The following MTUS2 variants were observed in gnomAD, a reference collection of about 807,000 sequenced individuals.
MTUS2 encodes microtubule associated scaffold protein 2, also known as microtubule-associated tumor suppressor candidate 2.
In MTUS2, 40 loss-of-function variants were observed where a neutral mutation model predicts 114.1. The observed-to-expected ratio is 0.35, with a 90% CI of 0.27 to 0.46. The LOEUF is 0.46. Among genes scored for constraint, MTUS2 ranks in the 20% least tolerant of loss-of-function variants. MTUS2 has a pLI of 1.00. For missense variants in MTUS2, 1,679 were observed against 1,705.4 expected, an observed-to-expected ratio of 0.98 and a Z score of 0.27; for synonymous variants, 688 against 672.0, an observed-to-expected ratio of 1.02 and a Z score of -0.37.
At chr13:29,141,861 A>T (rs1334172030) in intron 5 of MTUS2, among the ~76,000 whole-genome samples, 2 of 142,370 alleles carry the variant, frequency 1.4e-5, no homozygotes, top group African/African-American at 2.6e-5. Context: ...TGGGGATCTA[A>T]TTTTTTTTTT....
At chr13:29,063,190 A>G (rs1254843579) in intron 4 of MTUS2, among the ~76,000 whole-genome samples, 1 of 152,188 alleles carries the variant, frequency 6.6e-6, no homozygotes, top group East Asian at 1.9e-4. Context: ...GTAGATTTTT[A>G]TGTGTTTCAT....
chr13:28,853,300 G>T (rs906049498), intron 2 of MTUS2, among the ~76,000 whole-genome samples: 2 of 152,222 alleles, frequency 1.3e-5, no homozygotes, highest in East Asian at 3.8e-4. Context: ...GAAAGCAGCA[G>T]CACATTGAAT....
chr13:29,282,073 G>T (rs1898296545), intron 6 of MTUS2, among the ~76,000 whole-genome samples: 1 of 152,238 alleles, frequency 6.6e-6, no homozygotes, highest in Non-Finnish European at 1.5e-5. Context: ...TCCCATGACT[G>T]GTAACCCTTT....
At chr13:28,952,835 A>G (rs765056528) in intron 2 of MTUS2, among the ~76,000 whole-genome samples, 23 of 152,154 alleles carry the variant, frequency 1.5e-4, no homozygotes, top group African/African-American at 2.7e-4. Context: ...TATTTATTCA[A>G]CTGTCACCTT....
rs200464295 is a variant in MTUS2 at position 29,026,135 on chromosome 13, C to G, written c.1437C>G (p.Asn479Lys). The stretch of plus-strand genomic sequence containing the variant: ...TGTTCAATCCTTCTGTTGGAGAGAA[C>G]AAGACGGAGGTGCCTGAGCCCCTGG... ...VLVFNPSVGE[N>K]KTEVPEPLDP... Residue 479 changes from asparagine to lysine, a missense_variant, in exon 3 of 16, where the codon AAC (asparagine) becomes AAG (lysine). Around this residue, in one of 3 missense-constraint regions of MTUS2, gnomAD observed 843 missense variants for 770.8 expected, o/e 1.09. Coordinates refer to ENST00000612955, the MANE Select transcript of MTUS2 (RefSeq NM_001033602.4). 168 of 1,613,878 alleles carry G rather than the reference C, an allele frequency of 1.0e-4. No homozygotes were observed. The highest frequency in any genetic ancestry group is 1.3e-4 in the Non-Finnish European group (152 of 1,179,892).
At chr13:29,427,983 A>G (rs1876673865) in intron 8 of MTUS2, among the ~76,000 whole-genome samples, 1 of 152,166 alleles carries the variant, frequency 6.6e-6, no homozygotes, top group African/African-American at 2.4e-5. Flanking sequence ...TGTGTGAAAA[A>G]CTAGAAAGAT....
chr13:29,248,935 CAT>C (rs1427488189), intron 5 of MTUS2, among the ~76,000 whole-genome samples: 1 of 152,202 alleles, frequency 6.6e-6, no homozygotes, highest in East Asian at 1.9e-4. Flanking sequence ...CTGCAATAAA[CAT>C]ATGTATGCAT....
At chr13:29,181,229 T>TC (rs1893991320) in intron 5 of MTUS2, among the ~76,000 whole-genome samples, 2 of 151,666 alleles carry the variant, frequency 1.3e-5, no homozygotes, top group African/African-American at 4.8e-5. Context: ...TGTGTAACCC[T>TC]ATCAGCCACT....
At chr13:29,464,227 T>C (rs1412503864) in intron 9 of MTUS2, among the ~76,000 whole-genome samples, 1 of 152,200 alleles carries the variant, frequency 6.6e-6, no homozygotes, top group African/African-American at 2.4e-5. Context: ...GGGATCACTC[T>C]GTGACTCTAA....
chr13:29,004,190 C>T (rs1015531512), intron 2 of MTUS2, among the ~76,000 whole-genome samples: 2 of 143,886 alleles, frequency 1.4e-5, no homozygotes, highest in African/African-American at 2.5e-5. Flanking sequence ...TATATGGGCA[C>T]GCACATGTAT....
At chr13:29,284,257 A>C (rs923761893) in intron 6 of MTUS2, among the ~76,000 whole-genome samples, 9 of 152,214 alleles carry the variant, frequency 5.9e-5, no homozygotes, top group African/African-American at 1.9e-4. Context: ...TTGTATCAAC[A>C]TTACTAGAAA....
At chr13:29,093,123 A>G (rs1890036452) in intron 4 of MTUS2, among the ~76,000 whole-genome samples, 1 of 152,190 alleles carries the variant, frequency 6.6e-6, no homozygotes, top group Non-Finnish European at 1.5e-5. Flanking sequence ...TTAGCAGTCA[A>G]AGTGAAAACA....
At chr13:28,941,939 ATGT>A (rs1461251601) in intron 2 of MTUS2, among the ~76,000 whole-genome samples, 10 of 152,208 alleles carry the variant, frequency 6.6e-5, no homozygotes, top group African/African-American at 2.4e-4. Flanking sequence ...CGTCTTTCAA[ATGT>A]TGATGCATTT....
chr13:29,027,714 G>A (rs1886625585), intron 3 of MTUS2, among the ~76,000 whole-genome samples: 1 of 152,120 alleles, frequency 6.6e-6, no homozygotes, highest in Non-Finnish European at 1.5e-5. Context: ...ACCGCGCCTG[G>A]CTACTTTTTT....
chr13:29,111,767 A>AT (rs532172272), intron 5 of MTUS2, among the ~76,000 whole-genome samples: 371 of 151,916 alleles, frequency 2.4e-3, no homozygotes, highest in African/African-American at 8.5e-3. Flanking sequence ...AGAGATTGAT[A>AT]TATTTTTTTT....
At position 29,389,610 on chromosome 13, in the gene MTUS2, CAT is replaced by C. The variant is rs1162641088; in HGVS notation, c.3117+30140_3117+30141del. ...GTATACATATGTGTGTATACGTATACATATGTGTGTATATATGTATACACATA... is the reference window on the plus strand; with the variant it reads ...GTATACATATGTGTGTATACGTATACATGTGTGTATATATGTATACACATA... On this transcript the variant is annotated intron_variant, in intron 8 of 15. Coordinates refer to ENST00000612955, the MANE Select transcript of MTUS2 (RefSeq NM_001033602.4). Among the ~76,000 whole-genome samples the C allele has an allele frequency of 1.4e-3, 95 of 70,054 alleles. 2 individuals carry two copies. The highest frequency in any genetic ancestry group is 3.2e-3 in the African/African-American group (71 of 21,874). 46.0% of individuals were successfully genotyped at this position (70,054 alleles called of 152,430 possible).
intron 6 of MTUS2, among the ~76,000 whole-genome samples, chr13:29,324,128 C>A (rs1900375097): frequency 6.6e-6 from 1 of 152,182 alleles, no homozygotes; most frequent in African/African-American, 2.4e-5. Context: ...CCTCTGTGGA[C>A]CCGCTGCATG....
intron 2 of MTUS2, among the ~76,000 whole-genome samples, chr13:28,965,675 A>G (rs1338663492): frequency 1.3e-5 from 2 of 152,174 alleles, no homozygotes; most frequent in African/African-American, 2.4e-5. Flanking sequence ...CATCAACTGT[A>G]GGAACTAGCA....
chr13:29,202,562 G>A (rs779678073), intron 5 of MTUS2, among the ~76,000 whole-genome samples: 1 of 152,176 alleles, frequency 6.6e-6, no homozygotes, highest in East Asian at 1.9e-4. Flanking sequence ...GCGAGGAGTT[G>A]TGATCCTTTG....
Sources: allele counts gnomAD v4.1 joint callset (sites outside exome capture counted in the v4.1 genomes callset), GRCh38; gene constraint gnomAD v4.1.1; regional missense constraint gnomAD v4.1.1; transcripts MANE v1.5; gene names NCBI Gene and HGNC (gene_info 2026-07-23, HGNC 2026-07-21).